The following CEMIP2 variants were observed in gnomAD, a reference collection of about 807,000 sequenced individuals.
CEMIP2 encodes cell migration inducing hyaluronidase 2.
In CEMIP2, 79 loss-of-function variants were observed where a neutral mutation model predicts 146.9. The ratio of observed to expected loss-of-function variants is 0.54; its 90% CI spans 0.45 to 0.65. CEMIP2 has a LOEUF of 0.65. Ranked by LOEUF, CEMIP2 falls within the 30% of genes least tolerant of loss-of-function variation. CEMIP2 has a pLI of 0.00. For synonymous variants in CEMIP2, 601 were observed against 606.3 expected, an observed-to-expected ratio of 0.99 and a Z score of 0.13; for missense variants, 1,596 against 1,696.2, an observed-to-expected ratio of 0.94 and a Z score of 1.04.
At position 71,684,578 on chromosome 9, in the gene CEMIP2, T is replaced by A. The variant is rs776386046; in HGVS notation, c.*619A>T. The stretch of plus-strand genomic sequence containing the variant: ...ATCCCCAAGAGCCCTTTTGTCCCAA[T>A]ATACTTCCTGTTTGAAAGTTTAACC... On this transcript the variant is annotated 3_prime_UTR_variant, in exon 24 of 24. Transcript: ENST00000377044. The A allele has an allele frequency of 3.3e-5, 5 of 152,622 alleles. No homozygotes were observed. The highest frequency in any genetic ancestry group is 1.2e-4 in the African/African-American group (5 of 41,446). The allele number at this position is 152,622 out of a possible 1,614,324, so 9.5% of individuals were successfully genotyped here.
chr9:71,732,116 T>C (rs1823637331), intron 7 of CEMIP2, among the ~76,000 whole-genome samples: 1 of 152,150 alleles, frequency 6.6e-6, no homozygotes, highest in Non-Finnish European at 1.5e-5. Context: ...TCCCAATATA[T>C]TGATTTGACT....
chr9:71,743,541 A>G (rs62549284), intron 4 of CEMIP2, among the ~76,000 whole-genome samples: 10,717 of 152,276 alleles, frequency 0.07, 541 homozygotes, highest in South Asian at 0.19. Flanking sequence ...ACTTCTTTCA[A>G]GTCTCTTGCC....
chr9:71,755,412 T>C (rs1226865107), intron 1 of CEMIP2, among the ~76,000 whole-genome samples: 3 of 149,854 alleles, frequency 2.0e-5, no homozygotes, highest in South Asian at 2.1e-4. Context: ...GGTGGTTCCA[T>C]GCCTGTAGCC....
At chr9:71,721,727 T>C (rs1360870226) in intron 12 of CEMIP2, among the ~76,000 whole-genome samples, 1 of 152,212 alleles carries the variant, frequency 6.6e-6, no homozygotes, top group Non-Finnish European at 1.5e-5. Flanking sequence ...GGTCAATCAA[T>C]TTGAAGTATG....
Position 71,700,707 on chromosome 9 carries a change from C to A in CEMIP2, c.3312G>T (p.Val1104=). ...SLSKIEEYEP[V]HSLEELQRKQ... ...TTCTTTGCAGTTCTTCCAGTGAATGCACAGGCTCATATTCTTCGATTTTGG... is the reference window on the plus strand; with the variant it reads ...TTCTTTGCAGTTCTTCCAGTGAATGAACAGGCTCATATTCTTCGATTTTGG... Residue 1104 remains valine (V), a synonymous_variant, in exon 19 of 24, where the codon GTG becomes GTT. Transcript: ENST00000377044. The A allele has an allele frequency of 3.1e-6, 5 of 1,613,228 alleles. No homozygotes were observed. The highest frequency in any genetic ancestry group is 4.2e-6 in the Non-Finnish European group (5 of 1,179,724).
At chr9:71,701,369 G>C (rs1822556818) in intron 18 of CEMIP2, among the ~76,000 whole-genome samples, 1 of 152,160 alleles carries the variant, frequency 6.6e-6, no homozygotes, top group African/African-American at 2.4e-5. Context: ...GCCTCCCAGA[G>C]TGCTGGGATT....
At chr9:71,735,476 A>G (rs1272029461) in intron 5 of CEMIP2, among the ~76,000 whole-genome samples, 1 of 152,148 alleles carries the variant, frequency 6.6e-6, no homozygotes, top group Non-Finnish European at 1.5e-5. Context: ...GCACACTAAC[A>G]ATCTTAATAT....
intron 22 of CEMIP2, among the ~76,000 whole-genome samples, chr9:71,688,154 A>T (rs552966487): frequency 1.3e-5 from 2 of 152,106 alleles, no homozygotes; most frequent in African/African-American, 4.8e-5. Context: ...ACTGTGCCTG[A>T]ACTCTTGGCC....
intron 22 of CEMIP2, among the ~76,000 whole-genome samples, chr9:71,689,416 T>C (rs895958869): frequency 5.9e-5 from 9 of 152,214 alleles, no homozygotes; most frequent in African/African-American, 2.2e-4. Flanking sequence ...TGAGTTCATC[T>C]CCTTGCCTCC....
At chr9:71,721,360 A>G (rs1268685678) in intron 12 of CEMIP2, among the ~76,000 whole-genome samples, 1 of 151,632 alleles carries the variant, frequency 6.6e-6, no homozygotes, top group Non-Finnish European at 1.5e-5. Flanking sequence ...TATCTCTTCT[A>G]TTTTTTCACT....
intron 22 of CEMIP2, among the ~76,000 whole-genome samples, chr9:71,687,877 A>T (rs1822114781): frequency 6.6e-6 from 1 of 151,930 alleles, no homozygotes; most frequent in Admixed American, 6.6e-5. Flanking sequence ...TTTTTTAGAG[A>T]TAGGGTCCTT....
chr9:71,722,646 AGGTACTGT>A, intron 11 of CEMIP2, 131 bp from the exon 12 acceptor site: 1 of 570,688 alleles, frequency 1.8e-6, no homozygotes. Context: ...TCAACAGCAA[AGGTACTGT>A]AAAAAAAAAA....
intron 18 of CEMIP2, among the ~76,000 whole-genome samples, chr9:71,701,159 G>A (rs1374271247): frequency 6.6e-6 from 1 of 152,124 alleles, no homozygotes; most frequent in East Asian, 1.9e-4. Flanking sequence ...AGGCTGGAGT[G>A]CAGTGGCGCG....
At chr9:71,726,842 A>G (rs771454153) in intron 10 of CEMIP2, among the ~76,000 whole-genome samples, 1 of 152,236 alleles carries the variant, frequency 6.6e-6, no homozygotes, top group Non-Finnish European at 1.5e-5. Flanking sequence ...CTGGAGGGTC[A>G]GAAGAAAACT....
intron 10 of CEMIP2, among the ~76,000 whole-genome samples, chr9:71,729,561 G>A (rs769051015): frequency 2.6e-5 from 4 of 151,666 alleles, no homozygotes; most frequent in Non-Finnish European, 5.9e-5. Flanking sequence ...GGAGCTTGCA[G>A]TGACCAAGAT....
At chr9:71,768,548 C>T (rs1824873145), upstream of CEMIP2, 1 of 152,442 alleles carries the variant, frequency 6.6e-6, no homozygotes, top group African/African-American at 2.4e-5. Flanking sequence ...GTGAAATACT[C>T]TCCTCCCGAG....
intron 5 of CEMIP2, among the ~76,000 whole-genome samples, 178 bp from the exon 6 acceptor site, chr9:71,735,172 A>G (rs1407104824): frequency 2.6e-5 from 4 of 152,164 alleles, no homozygotes; most frequent in Admixed American, 2.0e-4. Flanking sequence ...TAAAAATATG[A>G]AAACAGAGAG....
chr9:71,756,238 G>A (rs1460931579), intron 1 of CEMIP2, among the ~76,000 whole-genome samples: 34 of 138,586 alleles, frequency 2.5e-4, no homozygotes, highest in Non-Finnish European at 9.4e-5. Flanking sequence ...GTATATAGGT[G>A]TATATATATA....
intron 18 of CEMIP2, among the ~76,000 whole-genome samples, chr9:71,703,817 T>TA (rs1200066955): frequency 6.6e-6 from 1 of 152,182 alleles, no homozygotes; most frequent in Non-Finnish European, 1.5e-5. Flanking sequence ...CTTTTATTAA[T>TA]ATAACAAGAC....
Sources: allele counts gnomAD v4.1 joint callset (sites outside exome capture counted in the v4.1 genomes callset), GRCh38; gene constraint gnomAD v4.1.1; transcripts MANE v1.5; gene names NCBI Gene and HGNC (gene_info 2026-07-23, HGNC 2026-07-21).